CNOT9: variants seen among roughly 807,000 people sequenced by gnomAD.
CNOT9 encodes RCD1 required for cell differentiation1 homolog.
A neutral mutation model predicts 37.4 loss-of-function variants in CNOT9; 8 were observed. The ratio of observed to expected loss-of-function variants is 0.21; its 90% CI spans 0.13 to 0.39. The LOEUF (loss-of-function observed/expected upper bound fraction) is 0.39. CNOT9 is among the 10% of genes least tolerant of loss of function. The probability of loss-of-function intolerance (pLI) is 1.00; values close to 1 mark genes in which losing one functional copy is unlikely to be tolerated. For missense variants in CNOT9, 154 were observed against 365.3 expected (o/e 0.42, Z 4.71); for synonymous variants, 120 against 137.6 (o/e 0.87, Z 0.90).
In CNOT9 at chr2:218,595,472, G is replaced by A. The variant is rs1425110354; in HGVS notation, c.*1196G>A. On this transcript the variant is annotated 3_prime_UTR_variant, in exon 8 of 8. Coordinates refer to ENST00000273064, the MANE Select transcript of CNOT9 (RefSeq NM_005444.3). ...AGTCTATGGGAATTACAGGGTTGCC[G>A]CTAAAATATTCACTTGTTCATATCG... The A allele has an allele frequency of 8.4e-6, 1 of 119,598 alleles. No individual in the cohort carries two copies. Among genetic ancestry groups the A allele is most frequent in the Non-Finnish European group, 1.6e-5 (1 of 61,868 alleles). 7.4% of individuals were successfully genotyped at this position (119,598 alleles called of 1,614,324 possible). A position where few individuals can be genotyped will look rare whatever the true frequency, so the allele number is the denominator to read the frequency against.
chr2:218,569,083 C>A, intron 1 of CNOT9, 105 bp downstream of exon 1: 1 of 1,294,146 alleles, frequency 7.7e-7, no homozygotes, highest in Non-Finnish European at 1.1e-6. Context: ...TGATTTTTTT[C>A]TGCCCTCAAT....
intron 1 of CNOT9, among the ~76,000 whole-genome samples, chr2:218,574,950 AG>A (rs945052643): frequency 3.9e-5 from 6 of 152,168 alleles, no homozygotes; most frequent in Non-Finnish European, 8.8e-5. Flanking sequence ...TATACGTCAA[AG>A]TTTTTTTTTT....
chr2:218,579,269 G>A (rs1328107480), intron 1 of CNOT9, among the ~76,000 whole-genome samples: 7 of 152,146 alleles, frequency 4.6e-5, no homozygotes, highest in Non-Finnish European at 7.4e-5. Flanking sequence ...AATGTTATAT[G>A]TAAATGTGTA....
chr2:218,589,888 C>G (rs1694718050), intron 5 of CNOT9, among the ~76,000 whole-genome samples: 1 of 152,156 alleles, frequency 6.6e-6, no homozygotes, highest in African/African-American at 2.4e-5. Flanking sequence ...AAGCCAGACA[C>G]ATGGGAATTC....
At chr2:218,573,533 G>T (rs1694069527) in intron 1 of CNOT9, among the ~76,000 whole-genome samples, 1 of 152,026 alleles carries the variant, frequency 6.6e-6, no homozygotes, top group Admixed American at 6.6e-5. Flanking sequence ...AGCTATTTTG[G>T]CCCTTAAACA....
chr2:218,569,094 C>T (rs561791461), intron 1 of CNOT9, 116 bp downstream of exon 1: 103 of 1,120,380 alleles, frequency 9.2e-5, no homozygotes, highest in Non-Finnish European at 1.3e-4. Context: ...TGCCCTCAAT[C>T]TCCAAGGCCC....
intron 5 of CNOT9, chr2:218,589,236 A>G (rs1321928867): frequency 6.6e-6 from 1 of 151,858 alleles, no homozygotes; most frequent in African/African-American, 2.4e-5. Context: ...TGCTTCATGA[A>G]TTTGTGTATT....
At chr2:218,578,934 A>T (rs1020357306) in intron 1 of CNOT9, among the ~76,000 whole-genome samples, 9 of 152,228 alleles carry the variant, frequency 5.9e-5, no homozygotes, top group African/African-American at 2.2e-4. Flanking sequence ...ATGCCCTATT[A>T]AGTATGTATT....
chr2:218,573,251 C>T (rs560032388), intron 1 of CNOT9, among the ~76,000 whole-genome samples: 4 of 149,602 alleles, frequency 2.7e-5, no homozygotes, highest in African/African-American at 7.4e-5. Context: ...CTGGGAGGCG[C>T]AGGTTATAGT....
intron 7 of CNOT9, 70 bp from the exon 8 acceptor site, chr2:218,594,038 C>T (rs1559252246): frequency 6.9e-7 from 1 of 1,443,944 alleles, no homozygotes; most frequent in Non-Finnish European, 9.7e-7. Context: ...AAGAAGGGGG[C>T]TCTTCCCTGT....
At chr2:218,572,981 T>G (rs1477207514) in intron 1 of CNOT9, among the ~76,000 whole-genome samples, 1 of 152,192 alleles carries the variant, frequency 6.6e-6, no homozygotes, top group Non-Finnish European at 1.5e-5. Flanking sequence ...ATTGCCTAAC[T>G]TATCTTTCCT....
At chr2:218,584,814 C>G in intron 4 of CNOT9, 93 bp downstream of exon 4, 1 of 868,192 alleles carries the variant, frequency 1.2e-6, no homozygotes, top group Non-Finnish European at 2.0e-6. Context: ...TTTTGTACAC[C>G]AGTCATTCAT....
In CNOT9 at chr2:218,595,680, C is replaced by T. The variant is rs2106103082; in HGVS notation, c.*1404C>T. 6.6e-6 allele frequency: 1 copy of T among 151,312 alleles called. No individual in the cohort carries two copies. Among genetic ancestry groups the T allele is most frequent in the East Asian group, 2.0e-4 (1 of 5,128 alleles). 9.4% of individuals were successfully genotyped at this position (151,312 alleles called of 1,614,324 possible). ...ATCCAACTCTGGAGAGGGACCAAGT[C>T]TTTTCTGCCCACATCTCACACAATT... On this transcript the variant is annotated 3_prime_UTR_variant, in exon 8 of 8. Transcript: ENST00000273064.
At chr2:218,581,360 C>T (rs915040256) in intron 2 of CNOT9, among the ~76,000 whole-genome samples, 1 of 149,764 alleles carries the variant, frequency 6.7e-6, no homozygotes, top group African/African-American at 2.5e-5. Flanking sequence ...TTAGTAGATA[C>T]GGAGTTTCAC....
chr2:218,577,327 G>C (rs1694207624), intron 1 of CNOT9, among the ~76,000 whole-genome samples: 1 of 152,124 alleles, frequency 6.6e-6, no homozygotes, highest in Non-Finnish European at 1.5e-5. Flanking sequence ...TGATGAAAAG[G>C]AGGATCCCCA....
chr2:218,578,764 G>A (rs1188503249), intron 1 of CNOT9, among the ~76,000 whole-genome samples: 2 of 152,124 alleles, frequency 1.3e-5, no homozygotes, highest in Non-Finnish European at 2.9e-5. Flanking sequence ...TAGAGCTTAG[G>A]GGTAGCAATT....
intron 1 of CNOT9, among the ~76,000 whole-genome samples, chr2:218,575,958 G>A (rs1307976966): frequency 6.6e-6 from 1 of 152,124 alleles, no homozygotes; most frequent in African/African-American, 2.4e-5. Context: ...AGAGGTGATC[G>A]TTACAGAGTG....
chr2:218,582,765 A>G (rs1486382811), intron 2 of CNOT9, among the ~76,000 whole-genome samples: 2 of 152,158 alleles, frequency 1.3e-5, no homozygotes, highest in African/African-American at 4.8e-5. Context: ...AGACAAATGT[A>G]GAAATGTCTT....
intron 5 of CNOT9, among the ~76,000 whole-genome samples, chr2:218,589,549 T>C (rs1411893537): frequency 2.0e-5 from 3 of 152,220 alleles, no homozygotes; most frequent in Non-Finnish European, 2.9e-5. Flanking sequence ...TTGCCTGGGC[T>C]ACTCTTGAAC....
Sources: gnomAD v4.1 joint callset for allele counts (sites outside exome capture counted in the v4.1 genomes callset) on GRCh38, gnomAD v4.1.1 for gene constraint, MANE v1.5 for transcripts, NCBI Gene and HGNC (gene_info 2026-07-23, HGNC 2026-07-21) for gene names.